The following CAMKMT variants were observed in gnomAD, a reference collection of about 807,000 sequenced individuals.
CAMKMT encodes CaM KMT.
In CAMKMT, 53 loss-of-function variants were observed where a neutral mutation model predicts 48.0. The observed-to-expected ratio is 1.10, with a 90% CI of 0.89 to 1.39. The LOEUF (loss-of-function observed/expected upper bound fraction) is 1.39. Among genes scored for constraint, CAMKMT ranks in the 40% most tolerant of loss-of-function variants. CAMKMT has a pLI of 0.00. For missense variants in CAMKMT, 428 were observed against 402.7 expected, an observed-to-expected ratio of 1.06 and a Z score of -0.54; for synonymous variants, 165 against 152.3, an observed-to-expected ratio of 1.08 and a Z score of -0.61.
intron 7 of CAMKMT, among the ~76,000 whole-genome samples, chr2:44,733,782 A>C (rs1395736191): frequency 1.3e-5 from 2 of 152,146 alleles, no homozygotes; most frequent in Admixed American, 1.3e-4. Flanking sequence ...TATATTCTTA[A>C]GATAAGCCCC....
In CAMKMT at chr2:44,391,704, A is replaced by G. The variant is rs901415548; in HGVS notation, c.376+1399A>G. On this transcript the variant is annotated intron_variant, in intron 3 of 10. Coordinates refer to ENST00000378494, the MANE Select transcript of CAMKMT (RefSeq NM_024766.5). ...AATAGGGCCACTAGCTGACAGCATT[A>G]TGTAAAATAAAAATAATTTCCTAAA... Among the ~76,000 whole-genome samples, 7 of 152,212 alleles carry G rather than the reference A, an allele frequency of 4.6e-5. No individual in the cohort carries two copies. The East Asian group carries it at 1.2e-3, about 25-fold the overall frequency.
chr2:44,591,794 T>G (rs71420099), intron 3 of CAMKMT, among the ~76,000 whole-genome samples: 1 of 151,314 alleles, frequency 6.6e-6, no homozygotes, highest in Non-Finnish European at 1.5e-5. Flanking sequence ...TTCACAATAG[T>G]AAAGACTTGG....
intron 3 of CAMKMT, among the ~76,000 whole-genome samples, chr2:44,427,265 C>A (rs1184907410): frequency 6.6e-6 from 1 of 152,128 alleles, no homozygotes; most frequent in Non-Finnish European, 1.5e-5. Flanking sequence ...TAATGTACGA[C>A]CAAGTCCTCA....
Position 44,661,817 on chromosome 2 carries a change from A to G in CAMKMT, c.377-42466A>G, listed in dbSNP as rs17032499. The stretch of plus-strand genomic sequence containing the variant: ...AAGTAGTCTTAGTAGACACAACCCA[A>G]CTAAATTTCTTTGGGTTTCAGACAG... On this transcript the variant is annotated intron_variant, in intron 3 of 10. Transcript: ENST00000378494. Among the ~76,000 whole-genome samples the G allele has an allele frequency of 1.9e-3, 286 of 152,310 alleles. 5 individuals are homozygous for G. Among genetic ancestry groups the G allele is most frequent in the Admixed American group, 0.014 (211 of 15,298 alleles).
At chr2:44,717,336 C>G (rs17032551) in intron 7 of CAMKMT, among the ~76,000 whole-genome samples, 7 of 152,074 alleles carry the variant, frequency 4.6e-5, no homozygotes, top group Non-Finnish European at 8.8e-5. Context: ...AAAGCACTTT[C>G]TAGTGAACAG....
At chr2:44,369,501 C>G (rs1473982727) in intron 1 of CAMKMT, among the ~76,000 whole-genome samples, 1 of 152,130 alleles carries the variant, frequency 6.6e-6, no homozygotes, top group African/African-American at 2.4e-5. Flanking sequence ...TACAAAATCA[C>G]TGGAGAAACA....
chr2:44,682,158 A>G (rs1397126940), intron 3 of CAMKMT, among the ~76,000 whole-genome samples: 3 of 152,240 alleles, frequency 2.0e-5, no homozygotes, highest in Non-Finnish European at 2.9e-5. Flanking sequence ...ACTGTAATGT[A>G]TTTGAAAATA....
At chr2:44,662,952 C>A (rs1674757767) in intron 3 of CAMKMT, among the ~76,000 whole-genome samples, 1 of 152,118 alleles carries the variant, frequency 6.6e-6, no homozygotes, top group Non-Finnish European at 1.5e-5. Flanking sequence ...CTTTATCATT[C>A]TCTAAATGAA....
At chr2:44,408,614 A>G (rs1241696601) in intron 3 of CAMKMT, among the ~76,000 whole-genome samples, 1 of 152,176 alleles carries the variant, frequency 6.6e-6, no homozygotes, top group Non-Finnish European at 1.5e-5. Context: ...ACTTTGAATA[A>G]GGTTAGTATA....
At chr2:44,504,858 G>C (rs1428252062) in intron 3 of CAMKMT, among the ~76,000 whole-genome samples, 1 of 152,114 alleles carries the variant, frequency 6.6e-6, no homozygotes, top group Non-Finnish European at 1.5e-5. Flanking sequence ...AATTTGTAAA[G>C]AAAAGAGGTT....
intron 7 of CAMKMT, among the ~76,000 whole-genome samples, chr2:44,722,596 A>T (rs1326550090): frequency 6.6e-6 from 1 of 152,140 alleles, no homozygotes. Context: ...ATTTGGAGAT[A>T]TAGTGGCAAG....
chr2:44,423,505 A>G (rs1468233436), intron 3 of CAMKMT, among the ~76,000 whole-genome samples: 1 of 152,150 alleles, frequency 6.6e-6, no homozygotes, highest in Middle Eastern at 3.2e-3. Flanking sequence ...CTCAAATAGC[A>G]CTTCAAGCAT....
intron 3 of CAMKMT, chr2:44,549,603 A>G (rs1276228526): frequency 1.3e-5 from 9 of 685,090 alleles, no homozygotes; most frequent in Non-Finnish European, 2.4e-5. Context: ...TGGTGATCAT[A>G]ACTCAGTGCA....
intron 7 of CAMKMT, among the ~76,000 whole-genome samples, chr2:44,730,464 G>A (rs1395220193): frequency 6.6e-6 from 1 of 152,190 alleles, no homozygotes; most frequent in Admixed American, 6.5e-5. Context: ...TGCTACTTGA[G>A]GAACATGTCC....
intron 3 of CAMKMT, among the ~76,000 whole-genome samples, chr2:44,532,988 T>G (rs1666573080): frequency 6.6e-6 from 1 of 151,082 alleles, no homozygotes; most frequent in Non-Finnish European, 1.5e-5. Flanking sequence ...AATTTTTGTA[T>G]TTTTTAGTAG....
chr2:44,708,090 T>C (rs1677661780), intron 6 of CAMKMT, among the ~76,000 whole-genome samples: 1 of 152,100 alleles, frequency 6.6e-6, no homozygotes, highest in Admixed American at 6.6e-5. Context: ...AAAATTGAAC[T>C]GTACTTTAAC....
At chr2:44,424,775 C>T (rs1001197902) in intron 3 of CAMKMT, among the ~76,000 whole-genome samples, 13 of 152,016 alleles carry the variant, frequency 8.6e-5, no homozygotes, top group East Asian at 1.9e-4. Context: ...AAGGGTGAGA[C>T]GGGAGTAAGG....
In CAMKMT at chr2:44,559,467, T is replaced by G. The variant is rs576591265; in HGVS notation, c.377-144816T>G. ...GAGCACCACCTTATTTTCATGACAG[T>G]CCTTCAAGTATTTCATGACAACTCT... On this transcript the variant is annotated intron_variant, in intron 3 of 10. Coordinates refer to ENST00000378494, the MANE Select transcript of CAMKMT (RefSeq NM_024766.5). Among the ~76,000 whole-genome samples, 4 of 152,336 alleles carry G rather than the reference T, an allele frequency of 2.6e-5. No individual in the cohort carries two copies. In the South Asian group the frequency reaches 8.3e-4, roughly 32 times the overall value.
intron 3 of CAMKMT, among the ~76,000 whole-genome samples, chr2:44,429,988 A>G (rs893979290): frequency 2.0e-5 from 3 of 152,034 alleles, no homozygotes; most frequent in Admixed American, 6.5e-5. Flanking sequence ...ATAATTAGTA[A>G]TCCAGGACTC....
Sources: gnomAD v4.1 joint callset for allele counts (sites outside exome capture counted in the v4.1 genomes callset) on GRCh38, gnomAD v4.1.1 for gene constraint, MANE v1.5 for transcripts, NCBI Gene and HGNC (gene_info 2026-07-23, HGNC 2026-07-21) for gene names.